The following FUT9 variants were observed in gnomAD, a reference collection of about 807,000 sequenced individuals.
The protein encoded by FUT9 is 4-galactosyl-N-acetylglucosaminide 3-alpha-L-fucosyltransferase 9.
In FUT9, 15 loss-of-function variants were observed where a neutral mutation model predicts 29.7. The ratio of observed to expected loss-of-function variants is 0.51; its 90% CI spans 0.34 to 0.78. FUT9 has a LOEUF of 0.78. FUT9 is among the 30% of genes least tolerant of loss of function. The probability of loss-of-function intolerance (pLI) is 0.01; values close to 1 mark genes in which losing one functional copy is unlikely to be tolerated. For synonymous variants in FUT9, 169 were observed against 153.7 expected (o/e 1.10, Z -0.74); for missense variants, 319 against 425.4 (o/e 0.75, Z 2.20).
chr6:96,111,979 T>A lies in FUT9; in HGVS notation c.-97-2060T>A, dbSNP rs184925773. Reference sequence around the variant, plus strand: ...TCATTTAACAATCCTAAGACAGCTATACACAGTTTCAACAAAGAAATTCAT... The same window carrying A: ...TCATTTAACAATCCTAAGACAGCTAAACACAGTTTCAACAAAGAAATTCAT... On this transcript the variant is annotated intron_variant, in intron 1 of 2. Transcript: ENST00000302103. 3.0e-3 allele frequency among the ~76,000 whole-genome samples: 458 copies of A among 152,332 alleles called. 3 individuals carry two copies. The highest frequency in any genetic ancestry group is 4.3e-3 in the Non-Finnish European group (292 of 68,028).
intron 2 of FUT9, among the ~76,000 whole-genome samples, chr6:96,190,221 G>C (rs900659713): frequency 3.3e-5 from 5 of 152,128 alleles, no homozygotes; most frequent in African/African-American, 1.2e-4. Context: ...CTTTAAGAAT[G>C]TTGAATATTG....
At chr6:96,018,170 A>G (rs1247435825) in intron 1 of FUT9, among the ~76,000 whole-genome samples, 1 of 148,416 alleles carries the variant, frequency 6.7e-6, no homozygotes, top group African/African-American at 2.6e-5. Context: ...TTGACTGAGA[A>G]CATTCAAAGC....
intron 1 of FUT9, among the ~76,000 whole-genome samples, chr6:96,027,125 T>A (rs1438403750): frequency 6.6e-6 from 1 of 151,694 alleles, no homozygotes; most frequent in African/African-American, 2.4e-5. Context: ...CTGATACTCA[T>A]TCCCAGTTTT....
chr6:96,079,756 T>C (rs1296957061), intron 1 of FUT9, among the ~76,000 whole-genome samples: 1 of 152,098 alleles, frequency 6.6e-6, no homozygotes. Context: ...CTTTCATATT[T>C]TTTAATAGTT....
At chr6:96,082,386 C>T (rs1055451525) in intron 1 of FUT9, among the ~76,000 whole-genome samples, 4 of 151,500 alleles carry the variant, frequency 2.6e-5, no homozygotes, top group South Asian at 2.1e-4. Flanking sequence ...ATCCAGATCC[C>T]GGCACCTTAA....
At chr6:96,054,228 T>C (rs1190379696) in intron 1 of FUT9, among the ~76,000 whole-genome samples, 1 of 152,212 alleles carries the variant, frequency 6.6e-6, no homozygotes, top group Non-Finnish European at 1.5e-5. Flanking sequence ...AAGTCTTTAC[T>C]CTGAGCTGGG....
intron 2 of FUT9, among the ~76,000 whole-genome samples, chr6:96,184,533 G>T (rs1362184990): frequency 1.3e-5 from 2 of 151,818 alleles, no homozygotes; most frequent in Non-Finnish European, 2.9e-5. Context: ...GTTCCTTGAG[G>T]TGTGACCTTA....
intron 2 of FUT9, among the ~76,000 whole-genome samples, chr6:96,185,753 G>C (rs1210654072): frequency 6.6e-6 from 1 of 152,062 alleles, no homozygotes; most frequent in East Asian, 1.9e-4. Flanking sequence ...TTCTCTTCTA[G>C]TGGCCTCCAT....
intron 1 of FUT9, among the ~76,000 whole-genome samples, chr6:96,087,811 C>T (rs1771343577): frequency 6.6e-6 from 1 of 152,190 alleles, no homozygotes; most frequent in Non-Finnish European, 1.5e-5. Flanking sequence ...CTTTTAACCA[C>T]ATGTTTACCA....
At chr6:96,046,621 C>G (rs1407308978) in intron 1 of FUT9, among the ~76,000 whole-genome samples, 1 of 152,146 alleles carries the variant, frequency 6.6e-6, no homozygotes. Flanking sequence ...TATTTGTTAA[C>G]TTGTGTATTT....
chr6:96,113,398 C>T (rs1185667266), intron 1 of FUT9, among the ~76,000 whole-genome samples: 1 of 151,808 alleles, frequency 6.6e-6, no homozygotes, highest in Non-Finnish European at 1.5e-5. Flanking sequence ...GCTACCACAC[C>T]CAGCTAATTT....
chr6:96,145,815 T>A (rs1160982395), intron 2 of FUT9, among the ~76,000 whole-genome samples: 1 of 152,144 alleles, frequency 6.6e-6, no homozygotes, highest in Non-Finnish European at 1.5e-5. Context: ...AGGTTGTAGG[T>A]CACGAGGTCT....
chr6:96,116,236 C>CTTTA, intron 2 of FUT9, among the ~76,000 whole-genome samples: 1 of 152,028 alleles, frequency 6.6e-6, no homozygotes, highest in Non-Finnish European at 1.5e-5. Flanking sequence ...CAGAACATAC[C>CTTTA]TGTTAAAAAT....
chr6:96,093,291 G>C (rs551405109), intron 1 of FUT9, among the ~76,000 whole-genome samples: 1 of 152,120 alleles, frequency 6.6e-6, no homozygotes, highest in African/African-American at 2.4e-5. Flanking sequence ...TGGCAAAGTC[G>C]TTTCTTTCAT....
At chr6:96,124,105 T>G (rs1772084954) in intron 2 of FUT9, among the ~76,000 whole-genome samples, 1 of 152,070 alleles carries the variant, frequency 6.6e-6, no homozygotes, top group African/African-American at 2.4e-5. Flanking sequence ...AAATGTCTGC[T>G]TATTAAACAT....
chr6:96,187,599 C>A (rs1018609104), intron 2 of FUT9, among the ~76,000 whole-genome samples: 1 of 152,088 alleles, frequency 6.6e-6, no homozygotes, highest in Non-Finnish European at 1.5e-5. Context: ...AACGAAGGAT[C>A]AAACTATCAC....
chr6:96,158,378 A>C (rs1287882540), intron 2 of FUT9, among the ~76,000 whole-genome samples: 3 of 152,068 alleles, frequency 2.0e-5, no homozygotes, highest in Admixed American at 6.5e-5. Context: ...TATATATGAT[A>C]TGTGTGTATG....
chr6:96,064,019 C>T (rs530690317), intron 1 of FUT9, among the ~76,000 whole-genome samples: 2 of 152,200 alleles, frequency 1.3e-5, no homozygotes, highest in East Asian at 1.9e-4. Context: ...ATAGATATCC[C>T]CATCGATCTA....
intron 2 of FUT9, among the ~76,000 whole-genome samples, chr6:96,160,681 C>T (rs78712301): frequency 0.099 from 15,015 of 151,994 alleles, 1,098 homozygotes; most frequent in Admixed American, 0.22. Context: ...TTCACAAATT[C>T]GCTATCATAG....
Sources: allele counts gnomAD v4.1 joint callset (sites outside exome capture counted in the v4.1 genomes callset), GRCh38; gene constraint gnomAD v4.1.1; transcripts MANE v1.5; gene names NCBI Gene and HGNC (gene_info 2026-07-23, HGNC 2026-07-21).